The following TBX6 variants were observed in gnomAD, a reference collection of about 807,000 sequenced individuals.
The protein encoded by TBX6 is T-box transcription factor 6.
TBX6 carries 29 observed loss-of-function variants against 42.3 expected under a neutral mutation model. That is an observed-to-expected ratio of 0.69 (90% confidence interval 0.51 to 0.93). TBX6 has a LOEUF of 0.93. Ranked by LOEUF, TBX6 falls within the 40% of genes least tolerant of loss-of-function variation. TBX6 has a pLI of 0.00. For synonymous variants in TBX6, 249 were observed against 245.1 expected (o/e 1.02, Z -0.15); for missense variants, 569 against 603.3 (o/e 0.94, Z 0.59).
rs534955474 is a variant in TBX6, at chr16:30,085,885, G to C, written c.*340C>G. On this transcript the variant is annotated 3_prime_UTR_variant, in exon 9 of 9. Coordinates refer to ENST00000395224, the MANE Select transcript of TBX6 (RefSeq NM_004608.4). ...GTGTGGCCTGCACCAGTGTGTGTGG[G>C]GGGGTGGGGATTGAGCCCCTCCAGA... is the stretch of plus-strand genomic sequence containing the variant. 10 of 348,260 alleles carry C rather than the reference G, an allele frequency of 2.9e-5. No individual in the cohort carries two copies. Among genetic ancestry groups the C allele is most frequent in the East Asian group, 2.6e-4 (3 of 11,454 alleles). The allele number at this position is 348,260 out of a possible 1,614,324, so 21.6% of individuals were successfully genotyped here. A position where few individuals can be genotyped will look rare whatever the true frequency, so the allele number is the denominator to read the frequency against.
In TBX6 at chr16:30,088,235, GTC is replaced by G. The variant is rs1304198340; in HGVS notation, c.839+308_839+309del. The G allele has an allele frequency of 1.0e-4, 41 of 396,478 alleles. No individual in the cohort carries two copies. Among genetic ancestry groups the G allele is most frequent in the Non-Finnish European group, 9.5e-6 (2 of 210,118 alleles). 24.6% of individuals were successfully genotyped at this position (396,478 alleles called of 1,614,324 possible). ...TTACATGCGTGAGCCACCACACCTG[GTC>G]TCTCTTCTCTTTAGAATGGCTTCCT... On this transcript the variant is annotated intron_variant, in intron 6 of 8. Transcript: ENST00000395224. The surrounding 1 kb of genome is among the most constrained non-coding windows in gnomAD (Gnocchi z 4.1).
chr16:30,091,115 T>C lies in TBX6; in HGVS notation c.79A>G (p.Ser27Gly). Residue 27 changes from serine to glycine, a missense_variant, in exon 2 of 9, where the codon AGC (serine) becomes GGC (glycine). Coordinates refer to ENST00000395224, the MANE Select transcript of TBX6 (RefSeq NM_004608.4). ...CCCTCCGCTAGGGCGGGTGGGAAGCTGGAGTCGGCCCCAGGTTGGGCGGGC... is the reference window on the plus strand; with the variant it reads ...CCCTCCGCTAGGGCGGGTGGGAAGCCGGAGTCGGCCCCAGGTTGGGCGGGC... ...LGPAQPGADSSFPPALAEGYR... is the reference protein window; with the variant it reads ...LGPAQPGADSGFPPALAEGYR... 1 of 1,587,934 alleles carries C rather than the reference T, an allele frequency of 6.3e-7. No individual in the cohort carries two copies. The highest frequency in any genetic ancestry group is 8.6e-7 in the Non-Finnish European group (1 of 1,168,516).
chr16:30,090,185 GCT>G (rs1426929988), intron 3 of TBX6, among the ~76,000 whole-genome samples: 2 of 152,114 alleles, frequency 1.3e-5, no homozygotes, highest in African/African-American at 4.8e-5. Flanking sequence ...AGAATCTGCA[GCT>G]CTTAGATGAA....
At chr16:30,090,668 G>T in intron 3 of TBX6, 90 bp downstream of exon 3, 3 of 1,342,974 alleles carry the variant, frequency 2.2e-6, no homozygotes, top group East Asian at 4.9e-5. Flanking sequence ...CTAGCCCCTC[G>T]GGAACCACCC....
Position 30,088,646 on chromosome 16 carries a change from T to C in TBX6, c.769-31A>G, listed in dbSNP as rs772206214. 4.3e-6 allele frequency: 7 copies of C among 1,614,024 alleles called. No individual in the cohort carries two copies. In the East Asian group the frequency reaches 1.6e-4, roughly 36 times the overall value. On this transcript the variant is annotated intron_variant, in intron 5 of 8. Coordinates refer to ENST00000395224, the MANE Select transcript of TBX6 (RefSeq NM_004608.4). The surrounding 1 kb of genome is among the most constrained non-coding windows in gnomAD (Gnocchi z 4.1). Reference sequence around the variant, plus strand: ...GACACACATGCAGGGTCAAAGCAACTGCGGTCTGGGCAGGGGGCCACCACC... The same window carrying C: ...GACACACATGCAGGGTCAAAGCAACCGCGGTCTGGGCAGGGGGCCACCACC...
rs969199415 is a variant in TBX6 at position 30,086,957 on chromosome 16, G to T, written c.840-106C>A. 5.3e-6 allele frequency: 7 copies of T among 1,317,198 alleles called. No individual in the cohort carries two copies. The African/African-American group carries it at 7.4e-5, about 14-fold the overall frequency. The allele number at this position is 1,317,198 out of a possible 1,614,324, so 81.6% of individuals were successfully genotyped here. On this transcript the variant is annotated intron_variant, in intron 6 of 8. Coordinates refer to ENST00000395224, the MANE Select transcript of TBX6 (RefSeq NM_004608.4). This position sits in a 1 kb window ranked among gnomAD's most constrained non-coding sequence, Gnocchi z 4.6. ...TTCACCCTCCCAGGGACCCTGTCAGGTAGGGGCCATCATTATACCCATTTT... is the reference window on the plus strand; with the variant it reads ...TTCACCCTCCCAGGGACCCTGTCAGTTAGGGGCCATCATTATACCCATTTT...
Position 30,088,671 on chromosome 16 carries a change from C to T in TBX6, c.768+22G>A, listed in dbSNP as rs750391843. 4 of 1,613,942 alleles carry T rather than the reference C, an allele frequency of 2.5e-6. No individual in the cohort carries two copies. Among genetic ancestry groups the T allele is most frequent in the African/African-American group, 1.3e-5 (1 of 74,882 alleles). On this transcript the variant is annotated intron_variant, in intron 5 of 8. Transcript: ENST00000395224. This position sits in a 1 kb window ranked among gnomAD's most constrained non-coding sequence, Gnocchi z 4.1. Reference sequence around the variant, plus strand: ...TGCGGTCTGGGCAGGGGGCCACCACCCCCTCAAGCAGGGTCACTCACCTGT... The same window carrying T: ...TGCGGTCTGGGCAGGGGGCCACCACTCCCTCAAGCAGGGTCACTCACCTGT...
rs201620629 is a variant in TBX6 at position 30,086,847 on chromosome 16, G to C, written c.844C>G (p.Arg282Gly). Residue 282 changes from arginine to glycine, a missense_variant, in exon 7 of 9, where the codon CGA becomes GGA. Transcript: ENST00000395224. The surrounding 1 kb of genome is among the most constrained non-coding windows in gnomAD (Gnocchi z 4.6). ...RENGRNCKRE[R>G]DARVKRKLRG... ...AGTTTCCTCTTCACACGGGCGTCTCGCTCCCTGGGGAACAGTGGTGGTGAT... is the reference window on the plus strand; with the variant it reads ...AGTTTCCTCTTCACACGGGCGTCTCCCTCCCTGGGGAACAGTGGTGGTGAT... 6.2e-7 allele frequency: 1 copy of C among 1,609,116 alleles called. No homozygotes were observed. Among genetic ancestry groups the C allele is most frequent in the South Asian group, 1.1e-5 (1 of 90,462 alleles).
Position 30,086,896 on chromosome 16 carries a change from T to C in TBX6, c.840-45A>G. On this transcript the variant is annotated intron_variant, in intron 6 of 8. Coordinates refer to ENST00000395224, the MANE Select transcript of TBX6 (RefSeq NM_004608.4). This position sits in a 1 kb window ranked among gnomAD's most constrained non-coding sequence, Gnocchi z 4.6. ...ATGATGATGATGATGGTGATGGCCA[T>C]GGTGATGGTAACAGTACTTACCCGG... The C allele has an allele frequency of 1.3e-6, 2 of 1,591,696 alleles. No individual in the cohort carries two copies. Among genetic ancestry groups the C allele is most frequent in the Non-Finnish European group, 8.5e-7 (1 of 1,170,578 alleles).
At chr16:30,089,249 C>T (rs1373554392) in intron 3 of TBX6, 39 bp from the exon 4 acceptor site, 3 of 1,589,768 alleles carry the variant, frequency 1.9e-6, no homozygotes, top group Non-Finnish European at 1.7e-6. Context: ...TGGAGCTACC[C>T]ACTGGCCAGG....
At position 30,091,177 on chromosome 16, in the gene TBX6, T is replaced by A; in HGVS notation, c.17A>T (p.Glu6Val). 6.3e-7 allele frequency: 1 copy of A among 1,587,418 alleles called. No individual in the cohort carries two copies. Among genetic ancestry groups the A allele is most frequent in the Non-Finnish European group, 8.6e-7 (1 of 1,169,294 alleles). The change falls in exon 2 of 9, where the codon GAA becomes GTA. Residue 6 changes from glutamate (E) to valine (V), a missense_variant. Coordinates refer to ENST00000395224, the MANE Select transcript of TBX6 (RefSeq NM_004608.4). MYHPR[E>V]LYPSLGAGYR... is the part of the protein sequence containing the mutation. ...GCCGGCCCCCAGGGACGGGTACAATTCTCGTGGATGGTACATGTTGTAGTT... is the reference window on the plus strand; with the variant it reads ...GCCGGCCCCCAGGGACGGGTACAATACTCGTGGATGGTACATGTTGTAGTT...
In TBX6 at chr16:30,086,755, A is replaced by G. The variant is rs1203839619; in HGVS notation, c.913+23T>C. ...GGATCCCTGTCTCAGGCCTGGCCCC[A>G]TCGCCATCGGGACTACACTCACCTC... On this transcript the variant is annotated intron_variant, in intron 7 of 8. Coordinates refer to ENST00000395224, the MANE Select transcript of TBX6 (RefSeq NM_004608.4). This position sits in a 1 kb window ranked among gnomAD's most constrained non-coding sequence, Gnocchi z 4.6. 31 of 1,613,730 alleles carry G rather than the reference A, an allele frequency of 1.9e-5. No homozygotes were observed. In the East Asian group the frequency reaches 2.5e-4, roughly 13 times the overall value.
Position 30,085,953 on chromosome 16 carries a change from C to T in TBX6, c.*272G>A. 2 of 466,718 alleles carry T rather than the reference C, an allele frequency of 4.3e-6. No individual in the cohort carries two copies. The highest frequency in any genetic ancestry group is 7.6e-6 in the Non-Finnish European group (2 of 263,536). The allele number at this position is 466,718 out of a possible 1,614,324, so 28.9% of individuals were successfully genotyped here. The stretch of plus-strand genomic sequence containing the variant: ...GTAAGTGGGGATGCTGGTCTGTGGC[C>T]CCATTTGGCCAGGCAGAGCCCCTTC... On this transcript the variant is annotated 3_prime_UTR_variant, in exon 9 of 9. Coordinates refer to ENST00000395224, the MANE Select transcript of TBX6 (RefSeq NM_004608.4).
intron 1 of TBX6, 165 bp from the exon 2 acceptor site, chr16:30,091,406 TC>T (rs1555485206): frequency 4.2e-6 from 2 of 479,684 alleles, no homozygotes; most frequent in Non-Finnish European, 7.2e-6. Flanking sequence ...CCTCCTCCCC[TC>T]CCTCCCCACC....
rs753205232 is a variant in TBX6, at chr16:30,089,004, C to T, written c.560G>A (p.Arg187Gln). The change falls in exon 4 of 9, where the codon CGG becomes CAG. Residue 187 changes from arginine to glutamine, a missense_variant. Physicochemically the swap from Arg to Gln is conservative, Grantham distance 43. Transcript: ENST00000395224. ...DSPATGAHWMRQPVSFHRVKL... is the reference protein window; with the variant it reads ...DSPATGAHWMQQPVSFHRVKL... ...GACACGATGGAAAGACACAGGCTGCCGCATCCAATGTGCACCAGTGGCAGG... is the reference window on the plus strand; with the variant it reads ...GACACGATGGAAAGACACAGGCTGCTGCATCCAATGTGCACCAGTGGCAGG... 44 of 1,613,700 alleles carry T rather than the reference C, an allele frequency of 2.7e-5. No individual in the cohort carries two copies. The highest frequency in any genetic ancestry group is 5.3e-5 in the African/African-American group (4 of 74,920).
Position 30,088,273 on chromosome 16 carries a change from A to G in TBX6, c.839+272T>C. 1 of 492,280 alleles carries G rather than the reference A, an allele frequency of 2.0e-6. No homozygotes were observed. Among genetic ancestry groups the G allele is most frequent in the East Asian group, 3.9e-5 (1 of 25,744 alleles). 30.5% of individuals were successfully genotyped at this position (492,280 alleles called of 1,614,324 possible). A position where few individuals can be genotyped will look rare whatever the true frequency, so the allele number is the denominator to read the frequency against. On this transcript the variant is annotated intron_variant, in intron 6 of 8. Coordinates refer to ENST00000395224, the MANE Select transcript of TBX6 (RefSeq NM_004608.4). The surrounding 1 kb of genome is among the most constrained non-coding windows in gnomAD (Gnocchi z 4.1). ...TTAGAATGGCTTCCTAACAGATGAC[A>G]TTTTATTTATTTCTCTTGTCTGCTT...
At position 30,086,085 on chromosome 16, in the gene TBX6, T is replaced by A; in HGVS notation, c.*140A>T. On this transcript the variant is annotated 3_prime_UTR_variant, in exon 9 of 9. Transcript: ENST00000395224. The surrounding 1 kb of genome is among the most constrained non-coding windows in gnomAD (Gnocchi z 4.6). ...GAGGGGGGTGGGAGTGAAATCAAGG[T>A]GTGAAGTTGAGGGGGTGGGTGGGCA... The A allele has an allele frequency of 6.0e-6, 4 of 665,716 alleles. No homozygotes were observed. 41.2% of individuals were successfully genotyped at this position (665,716 alleles called of 1,614,324 possible).
intron 1 of TBX6, chr16:30,091,456 T>G: frequency 2.6e-6 from 1 of 391,916 alleles, no homozygotes; most frequent in East Asian, 4.5e-5. Flanking sequence ...TGCCCCCTCA[T>G]TACATAATTA....
intron 6 of TBX6, among the ~76,000 whole-genome samples, chr16:30,087,369 T>C (rs1486936059): frequency 6.6e-6 from 1 of 152,158 alleles, no homozygotes; most frequent in Admixed American, 6.5e-5. Context: ...GTGCTGGGAC[T>C]ACAGGCATGA....
Sources: gnomAD v4.1 joint callset for allele counts (sites outside exome capture counted in the v4.1 genomes callset) on GRCh38, gnomAD v4.1.1 for gene constraint, Gnocchi (gnomAD v3.1) non-coding constraint, MANE v1.5 for transcripts, NCBI Gene and HGNC (gene_info 2026-07-23, HGNC 2026-07-21) for gene names.